PDE3A: variants seen among roughly 807,000 people sequenced by gnomAD.
PDE3A encodes phosphodiesterase 3A.
A neutral mutation model predicts 98.3 loss-of-function variants in PDE3A; 43 were observed. The observed-to-expected ratio is 0.44, with a 90% CI of 0.34 to 0.56. The LOEUF (loss-of-function observed/expected upper bound fraction) is 0.56. PDE3A is among the 20% of genes least tolerant of loss of function. The probability of loss-of-function intolerance (pLI) is 0.01; values close to 1 mark genes in which losing one functional copy is unlikely to be tolerated. For missense variants in PDE3A, 1,427 were observed against 1,440.7 expected, an observed-to-expected ratio of 0.99 and a Z score of 0.15; for synonymous variants, 663 against 567.9, an observed-to-expected ratio of 1.17 and a Z score of -2.38.
intron 1 of PDE3A, among the ~76,000 whole-genome samples, chr12:20,499,667 A>G (rs1418587440): frequency 1.3e-5 from 2 of 152,094 alleles, no homozygotes; most frequent in African/African-American, 4.8e-5. Context: ...TGCTACCTTT[A>G]CATATATTCA....
intron 2 of PDE3A, among the ~76,000 whole-genome samples, chr12:20,579,253 AACGG>A (rs1943009701): frequency 6.6e-6 from 1 of 152,346 alleles, no homozygotes; most frequent in East Asian, 1.9e-4. Flanking sequence ...TAGGATTTAT[AACGG>A]GTGTGGTGTC....
chr12:20,492,435 C>A (rs1300339503), intron 1 of PDE3A, among the ~76,000 whole-genome samples: 1 of 151,902 alleles, frequency 6.6e-6, no homozygotes, highest in African/African-American at 2.4e-5. Flanking sequence ...ACAGTCTGGG[C>A]AGGAAATAGA....
At chr12:20,513,856 A>G (rs932091121) in intron 1 of PDE3A, among the ~76,000 whole-genome samples, 2 of 152,234 alleles carry the variant, frequency 1.3e-5, no homozygotes, top group Non-Finnish European at 2.9e-5. Flanking sequence ...TGAGATTAAA[A>G]TATTTCTGAA....
At chr12:20,381,880 C>T (rs574881329) in intron 1 of PDE3A, among the ~76,000 whole-genome samples, 28 of 151,756 alleles carry the variant, frequency 1.8e-4, no homozygotes, top group Non-Finnish European at 3.4e-4. Context: ...AACTTCTCCC[C>T]TGTTGATAAT....
intron 1 of PDE3A, among the ~76,000 whole-genome samples, chr12:20,498,417 G>A (rs1214797800): frequency 6.6e-6 from 1 of 152,080 alleles, no homozygotes; most frequent in Non-Finnish European, 1.5e-5. Flanking sequence ...CTGAACATGT[G>A]CAGACTTTAA....
At chr12:20,534,139 T>C (rs992490015) in intron 1 of PDE3A, among the ~76,000 whole-genome samples, 1 of 152,162 alleles carries the variant, frequency 6.6e-6, no homozygotes, top group Non-Finnish European at 1.5e-5. Flanking sequence ...GAGAAACAGA[T>C]ACTTTAAGGG....
intron 2 of PDE3A, among the ~76,000 whole-genome samples, chr12:20,606,449 A>G (rs1351921201): frequency 6.6e-6 from 1 of 152,186 alleles, no homozygotes; most frequent in Non-Finnish European, 1.5e-5. Flanking sequence ...AATTTTAGAA[A>G]CTTAGATGCC....
intron 1 of PDE3A, among the ~76,000 whole-genome samples, chr12:20,504,732 T>C (rs2121094870): frequency 6.6e-6 from 1 of 152,146 alleles, no homozygotes; most frequent in Non-Finnish European, 1.5e-5. Flanking sequence ...CCTTCTCACA[T>C]CACATCACTA....
intron 2 of PDE3A, among the ~76,000 whole-genome samples, chr12:20,597,143 T>C (rs1943484880): frequency 6.6e-6 from 1 of 152,196 alleles, no homozygotes; most frequent in Non-Finnish European, 1.5e-5. Flanking sequence ...AGTTGCATCT[T>C]AGAAAATCAA....
intron 1 of PDE3A, among the ~76,000 whole-genome samples, chr12:20,499,983 C>T (rs1196650834): frequency 6.6e-6 from 1 of 152,162 alleles, no homozygotes; most frequent in Non-Finnish European, 1.5e-5. Context: ...AGGGCACCAG[C>T]AAAGCCTACC....
chr12:20,550,044 G>A (rs914404453), intron 1 of PDE3A, among the ~76,000 whole-genome samples: 2 of 152,114 alleles, frequency 1.3e-5, no homozygotes, highest in Admixed American at 1.3e-4. Context: ...AATGGCAGAA[G>A]GCAGTGAATT....
intron 1 of PDE3A, among the ~76,000 whole-genome samples, chr12:20,541,447 A>G (rs1204264403): frequency 6.6e-6 from 1 of 151,940 alleles, no homozygotes; most frequent in African/African-American, 2.4e-5. Context: ...GATACAGTAC[A>G]TCGCATTTGC....
chr12:20,444,656 GT>G (rs1290698872), intron 1 of PDE3A, among the ~76,000 whole-genome samples: 4 of 152,018 alleles, frequency 2.6e-5, no homozygotes, highest in Non-Finnish European at 5.9e-5. Context: ...AGAAATAAAA[GT>G]GTTAATTCTC....
intron 1 of PDE3A, among the ~76,000 whole-genome samples, chr12:20,457,184 A>G (rs1368531864): frequency 6.6e-6 from 1 of 152,046 alleles, no homozygotes; most frequent in Non-Finnish European, 1.5e-5. Context: ...AATACACTAC[A>G]GAAAAAGTAT....
intron 10 of PDE3A, among the ~76,000 whole-genome samples, chr12:20,643,841 T>C (rs903587625): frequency 1.3e-5 from 2 of 152,140 alleles, no homozygotes; most frequent in Non-Finnish European, 2.9e-5. Context: ...TTTTTTAAAA[T>C]AAAACATTAC....
intron 10 of PDE3A, among the ~76,000 whole-genome samples, chr12:20,644,269 C>T (rs1052160857): frequency 2.0e-5 from 3 of 152,100 alleles, no homozygotes; most frequent in Admixed American, 1.3e-4. Flanking sequence ...TGGGAGAAAG[C>T]TGGTGATCTA....
At chr12:20,426,880 T>A (rs561421650) in intron 1 of PDE3A, among the ~76,000 whole-genome samples, 1 of 152,308 alleles carries the variant, frequency 6.6e-6, no homozygotes, top group African/African-American at 2.4e-5. Context: ...GCTTGGGCAG[T>A]AAAGGAATTA....
intron 1 of PDE3A, among the ~76,000 whole-genome samples, chr12:20,409,440 G>C (rs1240013675): frequency 6.6e-6 from 1 of 151,978 alleles, no homozygotes; most frequent in Non-Finnish European, 1.5e-5. Context: ...GGACAAAAAA[G>C]AAAATAATTT....
At chr12:20,609,728 G>T (rs549779523) in intron 2 of PDE3A, among the ~76,000 whole-genome samples, 165 of 152,086 alleles carry the variant, frequency 1.1e-3, no homozygotes, top group African/African-American at 3.8e-3. Context: ...AGGATAGAGA[G>T]CCCAGAAGTA....
Sources: allele counts gnomAD v4.1 joint callset (sites outside exome capture counted in the v4.1 genomes callset), GRCh38; gene constraint gnomAD v4.1.1; transcripts MANE v1.5; gene names NCBI Gene and HGNC (gene_info 2026-07-23, HGNC 2026-07-21).